Variants in CEP126 observed in about 807,000 individuals in gnomAD.
CEP126 encodes the protein centrosomal protein of 126 kDa.
In CEP126, 74 loss-of-function variants were observed where a neutral mutation model predicts 107.8. The ratio of observed to expected loss-of-function variants is 0.69; its 90% confidence interval spans 0.57 to 0.83. The LOEUF (loss-of-function observed/expected upper bound fraction) is 0.83, where lower values mean the gene tolerates loss of function less well. CEP126 is among the 40% of genes least tolerant of loss of function. The pLI is 0.00. For synonymous variants in CEP126, 449 were observed against 446.0 expected (o/e 1.01, Z -0.08); for missense variants, 1,237 against 1,281.9 (o/e 0.96, Z 0.53).
chr11:101,979,497 C>T (rs1431389064), intron 7 of CEP126, among the ~76,000 whole-genome samples: 2 of 152,094 alleles, frequency 1.3e-5, no homozygotes, highest in African/African-American at 4.8e-5. Flanking sequence ...CCTGTAGTCC[C>T]AGCAGTTTGG....
In CEP126 at chr11:101,988,308, C is replaced by T. The variant is rs189578626; in HGVS notation, c.3244+1267C>T. Among the ~76,000 whole-genome samples the T allele has an allele frequency of 5.0e-3, 763 of 152,078 alleles. 7 individuals are homozygous for T. Among genetic ancestry groups the T allele is most frequent in the Middle Eastern group, 0.01 (3 of 294 alleles). ...GGTGGTTTAACCACCAGATTACAGACGTCTGAACAGAGAATTAGTAAACTA... is the reference window on the plus strand; with the variant it reads ...GGTGGTTTAACCACCAGATTACAGATGTCTGAACAGAGAATTAGTAAACTA... On this transcript the variant is annotated intron_variant, in intron 9 of 10. Coordinates refer to ENST00000263468, the MANE Select transcript of CEP126 (RefSeq NM_020802.4).
intron 3 of CEP126, among the ~76,000 whole-genome samples, chr11:101,944,784 A>G (rs554327420): frequency 6.6e-6 from 1 of 152,320 alleles, no homozygotes; most frequent in Admixed American, 6.5e-5. Flanking sequence ...TTCATATTTG[A>G]GAGACTGGCA....
chr11:101,939,524 A>G (rs894622685), intron 2 of CEP126, among the ~76,000 whole-genome samples: 1 of 152,216 alleles, frequency 6.6e-6, no homozygotes, highest in Non-Finnish European at 1.5e-5. Flanking sequence ...TATCCATTCT[A>G]GCAAGTGTTA....
chr11:101,938,171 A>AAAAAAAAAAC (rs1307777067), intron 2 of CEP126, among the ~76,000 whole-genome samples: 1 of 144,522 alleles, frequency 6.9e-6, no homozygotes, highest in African/African-American at 2.6e-5. Context: ...AAAAAAAAAA[A>AAAAAAAAAAC]AAAAATACAA....
At chr11:101,933,814 A>ACCCCC (rs150633052) in intron 2 of CEP126, among the ~76,000 whole-genome samples, 26 of 122,762 alleles carry the variant, frequency 2.1e-4, no homozygotes, top group African/African-American at 3.0e-4. Context: ...CACCCCCGAG[A>ACCCCC]CCCCCCCCCC....
At chr11:101,929,974 C>CTTTTTTTTTTTTTTTTT (rs60650996) in intron 2 of CEP126, among the ~76,000 whole-genome samples, 2 of 118,684 alleles carry the variant, frequency 1.7e-5, no homozygotes, top group Non-Finnish European at 1.8e-5. Flanking sequence ...TTAGTTAGGA[C>CTTTTTTTTTTTTTTTTT]TTTTTTTTTT....
rs1940928655 is a variant in CEP126 at position 101,958,383 on chromosome 11, A to G, written c.705+17A>G. The G allele has an allele frequency of 1.9e-6, 3 of 1,603,016 alleles. No homozygotes were observed. The highest frequency in any genetic ancestry group is 2.6e-6 in the Non-Finnish European group (3 of 1,172,058). ...AATTTGCAAGTATGAAACTATAAAA[A>G]TGTTGTTAATATTTTAATTCCTTGC... On this transcript the variant is annotated intron_variant, in intron 5 of 10. Coordinates refer to ENST00000263468, the MANE Select transcript of CEP126 (RefSeq NM_020802.4).
At chr11:101,921,481 T>C (rs1394409710) in intron 1 of CEP126, among the ~76,000 whole-genome samples, 2 of 151,934 alleles carry the variant, frequency 1.3e-5, no homozygotes, top group Non-Finnish European at 2.9e-5. Context: ...CCGAGGCAGG[T>C]GGATCACCTG....
intron 2 of CEP126, among the ~76,000 whole-genome samples, chr11:101,933,840 A>G (rs558583916): frequency 3.5e-5 from 5 of 143,018 alleles, no homozygotes; most frequent in Non-Finnish European, 6.1e-5. Flanking sequence ...AACAATTAAG[A>G]CTTAAAGCAA....
intron 1 of CEP126, among the ~76,000 whole-genome samples, chr11:101,920,769 C>A (rs1468993282): frequency 1.3e-5 from 2 of 152,056 alleles, no homozygotes; most frequent in African/African-American, 4.8e-5. Context: ...CCACACCTGG[C>A]TGATTTTTGC....
At position 101,962,668 on chromosome 11, in the gene CEP126, T is replaced by A; in HGVS notation, c.1633T>A (p.Ser545Thr). ...AAAACAAAAATTAGCTGAAACATCA[T>A]CCTTGTCTAATGTAACTTCTAATTA... is the stretch of plus-strand genomic sequence containing the variant. ...DEKQKLAETS[S>T]LSNVTSNYDF... is the part of the protein sequence containing the mutation. Residue 545 changes from serine (S) to threonine (T), a missense_variant, in exon 6 of 11, where the codon TCC (serine) becomes ACC (threonine). This residue lies in a region of CEP126 where 1,134 missense variants were observed against 1,150.5 expected (regional missense o/e 0.99). Transcript: ENST00000263468. 1 of 1,613,354 alleles carries A rather than the reference T, an allele frequency of 6.2e-7. No homozygotes were observed. Among genetic ancestry groups the A allele is most frequent in the Non-Finnish European group, 8.5e-7 (1 of 1,179,694 alleles).
chr11:101,976,781 C>CT (rs1941196796), intron 6 of CEP126, among the ~76,000 whole-genome samples: 1 of 152,198 alleles, frequency 6.6e-6, no homozygotes, highest in Non-Finnish European at 1.5e-5. Context: ...GTTAACTACT[C>CT]TTTTAAGACC....
intron 4 of CEP126, chr11:101,956,407 T>A (rs1295068357): frequency 2.2e-6 from 1 of 456,198 alleles, no homozygotes; most frequent in Non-Finnish European, 4.4e-6. Context: ...TGGATCCTTT[T>A]CAGTCAGTCC....
chr11:101,939,957 A>G (rs1052751751), intron 2 of CEP126, among the ~76,000 whole-genome samples: 2 of 152,216 alleles, frequency 1.3e-5, no homozygotes, highest in Non-Finnish European at 2.9e-5. Flanking sequence ...TATCACTGAA[A>G]CATCACTAAC....
chr11:101,994,975 T>A (rs1448253744), intron 10 of CEP126, among the ~76,000 whole-genome samples: 1 of 151,468 alleles, frequency 6.6e-6, no homozygotes, highest in Non-Finnish European at 1.5e-5. Flanking sequence ...GCTGCACCCA[T>A]CAACCCATCA....
In CEP126 at chr11:101,963,820, G is replaced by A. The variant is rs1450419653; in HGVS notation, c.2785G>A (p.Glu929Lys). The change falls in exon 6 of 11, where the codon GAA (glutamate) becomes AAA (lysine). Residue 929 changes from glutamate (E) to lysine (K), a missense_variant. Transcript: ENST00000263468. ...TGTGACTCTAAGAACTGCTGAAGAA[G>A]AATCAGTTCCCTTATGGAAAAGAGG... is the stretch of plus-strand genomic sequence containing the variant. ...PSVTLRTAEEESVPLWKRGPN... is the reference protein window; with the variant it reads ...PSVTLRTAEEKSVPLWKRGPN... 3 of 1,614,074 alleles carry A rather than the reference G, an allele frequency of 1.9e-6. No homozygotes were observed. Among genetic ancestry groups the A allele is most frequent in the Non-Finnish European group, 2.5e-6 (3 of 1,179,972 alleles).
At chr11:101,970,962 C>T (rs1941120387) in intron 6 of CEP126, among the ~76,000 whole-genome samples, 1 of 152,066 alleles carries the variant, frequency 6.6e-6, no homozygotes, top group Non-Finnish European at 1.5e-5. Flanking sequence ...AACTATTGAG[C>T]TACTTTGTTT....
At chr11:101,917,154 G>A (rs1940234579) in intron 1 of CEP126, among the ~76,000 whole-genome samples, 1 of 151,836 alleles carries the variant, frequency 6.6e-6, no homozygotes, top group African/African-American at 2.4e-5. Flanking sequence ...AATTGGAACA[G>A]AGGAATTATT....
intron 1 of CEP126, among the ~76,000 whole-genome samples, chr11:101,921,221 C>G (rs745670462): frequency 6.6e-6 from 1 of 152,140 alleles, no homozygotes; most frequent in Non-Finnish European, 1.5e-5. Flanking sequence ...AATAACTAAA[C>G]TGTATTCCTA....
Sources: allele counts gnomAD v4.1 joint callset (sites outside exome capture counted in the v4.1 genomes callset), GRCh38; gene constraint gnomAD v4.1.1; regional missense constraint gnomAD v4.1.1; transcripts MANE v1.5; gene names NCBI Gene and HGNC (gene_info 2026-07-23, HGNC 2026-07-21).